The following ACSS3 variants were observed in gnomAD, a reference collection of about 807,000 sequenced individuals.
The protein encoded by ACSS3 is acyl-CoA synthetase short-chain family member 3, mitochondrial.
Under a neutral mutation model 84.2 loss-of-function variants are expected in ACSS3, and 64 were observed. That is an observed-to-expected ratio of 0.76 (90% CI 0.62 to 0.94). The LOEUF is 0.94. Ranked by LOEUF, ACSS3 falls within the 40% of genes least tolerant of loss-of-function variation. The probability of loss-of-function intolerance (pLI) is 0.00; values close to 1 mark genes in which losing one functional copy is unlikely to be tolerated. For synonymous variants in ACSS3, 317 were observed against 310.1 expected, an observed-to-expected ratio of 1.02 and a Z score of -0.23; for missense variants, 815 against 867.6, an observed-to-expected ratio of 0.94 and a Z score of 0.76.
chr12:81,129,443 C>G (rs192791050), intron 2 of ACSS3, among the ~76,000 whole-genome samples: 1 of 152,206 alleles, frequency 6.6e-6, no homozygotes, highest in Admixed American at 6.5e-5. Context: ...AGAACACAGG[C>G]CTGGTGCTGC....
intron 13 of ACSS3, among the ~76,000 whole-genome samples, chr12:81,246,252 G>C (rs2033982216): frequency 6.6e-6 from 1 of 152,168 alleles, no homozygotes; most frequent in Non-Finnish European, 1.5e-5. Context: ...CTTGGTGTAA[G>C]GTGTGGAGAG....
chr12:81,110,771 C>T (rs956648045), intron 2 of ACSS3, among the ~76,000 whole-genome samples: 2 of 152,136 alleles, frequency 1.3e-5, no homozygotes, highest in African/African-American at 4.8e-5. Flanking sequence ...AAGATTGCCA[C>T]TGGTTGAGAA....
At chr12:81,224,778 G>A (rs1039672293) in intron 11 of ACSS3, among the ~76,000 whole-genome samples, 1 of 151,812 alleles carries the variant, frequency 6.6e-6, no homozygotes, top group African/African-American at 2.4e-5. Flanking sequence ...GCTTAGTCTT[G>A]CCAGGATGTG....
intron 8 of ACSS3, among the ~76,000 whole-genome samples, chr12:81,190,171 T>C (rs2031492036): frequency 6.6e-6 from 1 of 152,050 alleles, no homozygotes; most frequent in Admixed American, 6.6e-5. Context: ...GAACAGATTT[T>C]AGTATCAGCC....
intron 13 of ACSS3, among the ~76,000 whole-genome samples, chr12:81,236,512 A>G (rs987565711): frequency 2.6e-5 from 4 of 151,110 alleles, no homozygotes; most frequent in African/African-American, 7.3e-5. Context: ...ATTATGTTTC[A>G]TGTGGGTTTC....
Position 81,195,567 on chromosome 12 carries a change from A to G in ACSS3, c.1251-3774A>G, listed in dbSNP as rs371862788. 1.3e-4 allele frequency among the ~76,000 whole-genome samples: 20 copies of G among 152,094 alleles called. No individual in the cohort carries two copies. The East Asian group carries it at 3.9e-3, about 29-fold the overall frequency. On this transcript the variant is annotated intron_variant, in intron 8 of 15. Coordinates refer to ENST00000548058, the MANE Select transcript of ACSS3 (RefSeq NM_024560.4). ...AAATTTTATCTCAAATTGCATATGG[A>G]TATGTAATTTGTCAAAAAAATTGTG...
chr12:81,234,165 T>C (rs1412129121), intron 13 of ACSS3, among the ~76,000 whole-genome samples: 1 of 151,554 alleles, frequency 6.6e-6, no homozygotes, highest in Admixed American at 6.6e-5. Context: ...CCTTTGAGAC[T>C]GGGTTATTTC....
intron 13 of ACSS3, among the ~76,000 whole-genome samples, chr12:81,241,198 G>C (rs556988253): frequency 1.3e-5 from 2 of 152,034 alleles, no homozygotes; most frequent in East Asian, 3.9e-4. Context: ...GTATTCCATG[G>C]TATATGTGTG....
chr12:81,245,264 A>C (rs1284907397), intron 13 of ACSS3, among the ~76,000 whole-genome samples: 3 of 152,190 alleles, frequency 2.0e-5, no homozygotes, highest in East Asian at 3.9e-4. Context: ...GATCGAGACC[A>C]TCCTGGCTAA....
Position 81,174,890 on chromosome 12 carries a change from C to T in ACSS3, c.1201C>T (p.Arg401Cys), listed in dbSNP as rs185881304. ...FTAPTAIRAI[R>C]QQDPGAALGK... is the part of the protein sequence containing the mutation. ...AGCACCAACTGCAATTAGAGCAATC[C>T]GTCAACAGGACCCTGGGGCAGCTTT... Residue 401 changes from arginine (R) to cysteine (C), a missense_variant, in exon 8 of 16, where the codon CGT (arginine) becomes TGT (cysteine). Physicochemically the swap from Arg to Cys is radical, Grantham distance 180. Coordinates refer to ENST00000548058, the MANE Select transcript of ACSS3 (RefSeq NM_024560.4). 7.3e-5 allele frequency: 118 copies of T among 1,613,828 alleles called. No individual in the cohort carries two copies. The highest frequency in any genetic ancestry group is 9.7e-5 in the Non-Finnish European group (115 of 1,179,910).
intron 1 of ACSS3, among the ~76,000 whole-genome samples, chr12:81,086,423 G>A (rs965210122): frequency 1.3e-5 from 2 of 152,270 alleles, no homozygotes; most frequent in Non-Finnish European, 1.5e-5. Context: ...CAGCAGCTTG[G>A]TACTGTGCCG....
At chr12:81,111,588 T>C (rs1286368449) in intron 2 of ACSS3, among the ~76,000 whole-genome samples, 1 of 152,174 alleles carries the variant, frequency 6.6e-6, no homozygotes, top group Non-Finnish European at 1.5e-5. Flanking sequence ...GACATACTCC[T>C]CAGAAATAAG....
intron 5 of ACSS3, among the ~76,000 whole-genome samples, chr12:81,145,933 A>G (rs962354396): frequency 1.3e-5 from 2 of 152,166 alleles, no homozygotes; most frequent in Non-Finnish European, 2.9e-5. Flanking sequence ...ACAGAATGGC[A>G]AAAGAAGGTA....
intron 2 of ACSS3, among the ~76,000 whole-genome samples, chr12:81,132,415 T>C (rs1251271336): frequency 6.6e-6 from 1 of 152,180 alleles, no homozygotes; most frequent in African/African-American, 2.4e-5. Context: ...TTTATTTGCA[T>C]AGAGGTGTTT....
chr12:81,079,547 G>A (rs545455598), intron 1 of ACSS3, among the ~76,000 whole-genome samples: 1 of 152,340 alleles, frequency 6.6e-6, no homozygotes, highest in East Asian at 1.9e-4. Context: ...TCAAAAGTGT[G>A]TGGGGATGAC....
intron 11 of ACSS3, among the ~76,000 whole-genome samples, chr12:81,223,505 A>G (rs994146387): frequency 6.6e-6 from 1 of 151,994 alleles, no homozygotes; most frequent in Non-Finnish European, 1.5e-5. Context: ...TCTAAATCTC[A>G]TATACAGTTT....
chr12:81,254,087 G>A (rs1008039848), intron 15 of ACSS3, among the ~76,000 whole-genome samples: 2 of 151,914 alleles, frequency 1.3e-5, no homozygotes, highest in East Asian at 1.9e-4. Flanking sequence ...ACTGTGCCTG[G>A]CTAATTTTTT....
intron 2 of ACSS3, among the ~76,000 whole-genome samples, chr12:81,126,428 T>C (rs1482683686): frequency 6.6e-6 from 1 of 152,236 alleles, no homozygotes; most frequent in East Asian, 1.9e-4. Flanking sequence ...CATTTTCCAT[T>C]CTTTTAGACC....
At chr12:81,178,075 T>C (rs1209023908) in intron 8 of ACSS3, among the ~76,000 whole-genome samples, 6 of 152,086 alleles carry the variant, frequency 3.9e-5, no homozygotes, top group East Asian at 1.9e-4. Context: ...AAATGTCCAA[T>C]AATGATAGAC....
Sources: gnomAD v4.1 joint callset for allele counts (sites outside exome capture counted in the v4.1 genomes callset) on GRCh38, gnomAD v4.1.1 for gene constraint, MANE v1.5 for transcripts, NCBI Gene and HGNC (gene_info 2026-07-23, HGNC 2026-07-21) for gene names.